Variants in MPDZ observed in about 807,000 individuals in gnomAD.
The protein encoded by MPDZ is multiple PDZ domain crumbs cell polarity complex component.
A neutral mutation model predicts 239.1 loss-of-function variants in MPDZ; 234 were observed. That is an observed-to-expected ratio of 0.98 (90% CI 0.88 to 1.09). The LOEUF is 1.09. MPDZ is among the 50% of genes least tolerant of loss of function. The pLI is 0.00. For missense variants in MPDZ, 3,175 were observed against 2,510.0 expected (o/e 1.26, Z -5.66); for synonymous variants, 1,048 against 881.3 (o/e 1.19, Z -3.35).
At chr9:13,243,018 T>C (rs1377351967) in intron 3 of MPDZ, among the ~76,000 whole-genome samples, 2 of 152,138 alleles carry the variant, frequency 1.3e-5, no homozygotes, top group Non-Finnish European at 2.9e-5. Context: ...TAAACATTGC[T>C]CTCTCTACCT....
At chr9:13,158,321 G>A (rs972574906) in intron 23 of MPDZ, among the ~76,000 whole-genome samples, 3 of 152,094 alleles carry the variant, frequency 2.0e-5, no homozygotes, top group Non-Finnish European at 4.4e-5. Flanking sequence ...GTACCATAGC[G>A]TAGAGCTGAA....
At chr9:13,210,581 A>T (rs2135877119) in intron 10 of MPDZ, among the ~76,000 whole-genome samples, 1 of 152,218 alleles carries the variant, frequency 6.6e-6, no homozygotes, top group Admixed American at 6.6e-5. Flanking sequence ...AGCTGCTTTG[A>T]CAGTGGAGCC....
intron 46 of MPDZ, 33 bp from the exon 47 acceptor site, chr9:13,107,144 C>A: frequency 6.6e-7 from 1 of 1,526,110 alleles, no homozygotes; most frequent in Non-Finnish European, 8.9e-7. Context: ...GTTTATTTCT[C>A]AAAAAATGCT....
intron 1 of MPDZ, among the ~76,000 whole-genome samples, chr9:13,264,656 TAAAAAAAA>T (rs201009628): frequency 7.5e-6 from 1 of 132,826 alleles, no homozygotes; most frequent in African/African-American, 2.7e-5. Flanking sequence ...ACCCATAATT[TAAAAAAAA>T]AAAAAAAAAG....
intron 1 of MPDZ, among the ~76,000 whole-genome samples, chr9:13,278,284 T>C (rs1053312561): frequency 6.6e-6 from 1 of 152,084 alleles, no homozygotes; most frequent in Non-Finnish European, 1.5e-5. Flanking sequence ...CCGCAGCCCC[T>C]ACTGCAAAAA....
At position 13,126,760 on chromosome 9, in the gene MPDZ, A is replaced by T; in HGVS notation, c.4477T>A (p.Leu1493Met). 1.9e-6 allele frequency: 3 copies of T among 1,613,734 alleles called. No homozygotes were observed. The highest frequency in any genetic ancestry group is 2.5e-6 in the Non-Finnish European group (3 of 1,179,720). ...HLELPKDQGGLGIAISEEDTL... is the reference protein window; with the variant it reads ...HLELPKDQGGMGIAISEEDTL... Reference sequence around the variant, plus strand: ...TCTTCTTCGCTGATAGCAATACCCAAACCCCCCTGATCCTAGAAAAGTAAA... The same window carrying T: ...TCTTCTTCGCTGATAGCAATACCCATACCCCCCTGATCCTAGAAAAGTAAA... Residue 1493 changes from leucine to methionine, a missense_variant, in exon 33 of 47, where the codon TTG becomes ATG. By Grantham distance (15) the Leu-to-Met change is conservative (BLOSUM62 2). Transcript: ENST00000319217.
intron 38 of MPDZ, chr9:13,120,146 T>C (rs73649150): frequency 0.032 from 4,954 of 154,976 alleles, 276 homozygotes; most frequent in African/African-American, 0.11. Flanking sequence ...CTAAGTACCA[T>C]TGCTGTGATG....
At chr9:13,169,077 T>C (rs1003443247) in intron 21 of MPDZ, among the ~76,000 whole-genome samples, 1 of 152,186 alleles carries the variant, frequency 6.6e-6, no homozygotes, top group African/African-American at 2.4e-5. Context: ...GATAACAGCA[T>C]AGCACAGAAT....
At chr9:13,263,075 T>C (rs1223381313) in intron 1 of MPDZ, among the ~76,000 whole-genome samples, 1 of 152,082 alleles carries the variant, frequency 6.6e-6, no homozygotes, top group Non-Finnish European at 1.5e-5. Flanking sequence ...ATTATGCATG[T>C]AAAAAGCAGC....
At chr9:13,279,251 A>ACCCCCC (rs1975036099) in intron 1 of MPDZ, 149 bp downstream of exon 1, 16 of 34,984 alleles carry the variant, frequency 4.6e-4, no homozygotes, top group South Asian at 1.3e-3. Context: ...CGCCACCCCT[A>ACCCCCC]CCCCCACCCC....
chr9:13,201,326 T>G (rs1258424242), intron 12 of MPDZ, among the ~76,000 whole-genome samples: 2 of 151,898 alleles, frequency 1.3e-5, no homozygotes, highest in African/African-American at 4.8e-5. Context: ...TTGAATGTGG[T>G]GTTTCTTTTC....
intron 22 of MPDZ, among the ~76,000 whole-genome samples, chr9:13,167,338 A>G (rs1010357561): frequency 3.9e-5 from 6 of 152,106 alleles, no homozygotes; most frequent in African/African-American, 1.4e-4. Flanking sequence ...GCATACACAA[A>G]TATGAAAGCC....
At chr9:13,159,084 C>G (rs536313106) in intron 23 of MPDZ, among the ~76,000 whole-genome samples, 7 of 152,254 alleles carry the variant, frequency 4.6e-5, no homozygotes. Flanking sequence ...CCATTCTCCC[C>G]TGACAGGAAT....
intron 1 of MPDZ, among the ~76,000 whole-genome samples, chr9:13,254,081 C>T (rs529832179): frequency 3.2e-4 from 48 of 152,264 alleles, no homozygotes; most frequent in Non-Finnish European, 5.6e-4. Context: ...TTTAACTTCC[C>T]TGTTTCCAAG....
intron 22 of MPDZ, among the ~76,000 whole-genome samples, chr9:13,163,813 T>A (rs1950740240): frequency 6.7e-6 from 1 of 149,322 alleles, no homozygotes; most frequent in Non-Finnish European, 1.5e-5. Context: ...TATGTTGTAA[T>A]AAAATAAAAA....
chr9:13,267,148 A>G (rs1971963649), intron 1 of MPDZ, among the ~76,000 whole-genome samples: 1 of 152,256 alleles, frequency 6.6e-6, no homozygotes, highest in South Asian at 2.1e-4. Flanking sequence ...ATAAAATTGC[A>G]TTTAAGAATT....
intron 3 of MPDZ, among the ~76,000 whole-genome samples, chr9:13,241,877 A>G (rs1387613060): frequency 6.6e-6 from 1 of 152,176 alleles, no homozygotes; most frequent in African/African-American, 2.4e-5. Context: ...GTCCTGGTAT[A>G]GTGTGTGTTC....
In MPDZ at chr9:13,168,499, C is replaced by T. The variant is rs1233657689; in HGVS notation, c.3121G>A (p.Ala1041Thr). The T allele has an allele frequency of 3.1e-6, 5 of 1,613,382 alleles. No homozygotes were observed. Among genetic ancestry groups the T allele is most frequent in the Admixed American group, 1.7e-5 (1 of 59,954 alleles). ...MIVRSIIHGGAISRDGRIAIG... is the reference protein window; with the variant it reads ...MIVRSIIHGGTISRDGRIAIG... ...GCAATCCGGCCATCTCGACTAATGG[C>T]ACCTCCATGAATAATGCTTCGAACG... Residue 1041 changes from alanine to threonine, a missense_variant, in exon 22 of 47, where the codon GCC becomes ACC. By Grantham distance (58) the Ala-to-Thr change is moderately conservative. Transcript: ENST00000319217.
chr9:13,203,602 C>A (rs1267378060), intron 12 of MPDZ, among the ~76,000 whole-genome samples: 2 of 152,008 alleles, frequency 1.3e-5, no homozygotes, highest in East Asian at 3.9e-4. Flanking sequence ...TAATATCTTA[C>A]CCCTTGTCTG....
Sources: allele counts gnomAD v4.1 joint callset (sites outside exome capture counted in the v4.1 genomes callset), GRCh38; gene constraint gnomAD v4.1.1; transcripts MANE v1.5; gene names NCBI Gene and HGNC (gene_info 2026-07-23, HGNC 2026-07-21).